Variants in SYNJ1 observed in about 807,000 individuals in gnomAD.
SYNJ1 encodes the protein synaptojanin 1.
In SYNJ1, 78 loss-of-function variants were observed where a neutral mutation model predicts 168.2. That is an observed-to-expected ratio of 0.46 (90% CI 0.39 to 0.56). The LOEUF (loss-of-function observed/expected upper bound fraction) is 0.56, where lower values mean the gene tolerates loss of function less well. SYNJ1 is among the 20% of genes least tolerant of loss of function. SYNJ1 has a pLI of 0.00. For synonymous variants in SYNJ1, 539 were observed against 548.6 expected (o/e 0.98, Z 0.24); for missense variants, 1,303 against 1,597.6 (o/e 0.82, Z 3.14).
At chr21:32,696,951 T>TC (rs770605979) in intron 4 of SYNJ1, among the ~76,000 whole-genome samples, 39 of 152,352 alleles carry the variant, frequency 2.6e-4, no homozygotes, top group Non-Finnish European at 4.9e-4. Context: ...CCCACATTGA[T>TC]CTGAGGCAAA....
In SYNJ1 at chr21:32,668,696, C is replaced by T. The variant is rs562600481; in HGVS notation, c.1811+1592G>A. Among the ~76,000 whole-genome samples, 11 of 152,282 alleles carry T rather than the reference C, an allele frequency of 7.2e-5. 1 individual carries two copies. The South Asian group carries it at 2.3e-3, about 32-fold the overall frequency. On this transcript the variant is annotated intron_variant, in intron 15 of 32. Coordinates refer to ENST00000674351, the MANE Select transcript of SYNJ1 (RefSeq NM_203446.3). ...CTGCTGAAATTTAAAAGCAAGCATA[C>T]TTTGTTAAAATAAAACACTGAAGTT...
intron 14 of SYNJ1, among the ~76,000 whole-genome samples, chr21:32,671,360 A>T (rs1234428181): frequency 6.6e-6 from 1 of 151,704 alleles, no homozygotes; most frequent in African/African-American, 2.4e-5. Flanking sequence ...CACTGAAATT[A>T]AAAAAAAATT....
At chr21:32,683,778 A>AC (rs1359884802) in intron 10 of SYNJ1, among the ~76,000 whole-genome samples, 106 of 152,272 alleles carry the variant, frequency 7.0e-4, no homozygotes, top group Non-Finnish European at 1.0e-4. Flanking sequence ...TTGAAATACT[A>AC]TAAACAGCAG....
intron 18 of SYNJ1, among the ~76,000 whole-genome samples, chr21:32,660,326 C>A (rs372925492): frequency 2.0e-5 from 3 of 152,238 alleles, no homozygotes; most frequent in Admixed American, 2.0e-4. Context: ...TTGATGAATA[C>A]CAAAGGACAT....
chr21:32,659,596 A>G (rs958618915), intron 18 of SYNJ1, among the ~76,000 whole-genome samples: 1 of 152,104 alleles, frequency 6.6e-6, no homozygotes, highest in Non-Finnish European at 1.5e-5. Context: ...TTCTGTTCTG[A>G]TTACTGGTGC....
chr21:32,674,470 G>A (rs574616659), intron 13 of SYNJ1, among the ~76,000 whole-genome samples: 3 of 152,250 alleles, frequency 2.0e-5, no homozygotes, highest in African/African-American at 7.2e-5. Context: ...CCCCTCATGA[G>A]AATGGAAAAT....
intron 3 of SYNJ1, among the ~76,000 whole-genome samples, chr21:32,701,539 C>T (rs1261178462): frequency 6.8e-6 from 1 of 148,018 alleles, no homozygotes; most frequent in Non-Finnish European, 1.5e-5. Context: ...GGTGACATTA[C>T]GTGGCAAAAA....
At chr21:32,646,358 G>C in intron 24 of SYNJ1, 35 bp downstream of exon 24, 1 of 1,594,548 alleles carries the variant, frequency 6.3e-7, no homozygotes, top group East Asian at 2.2e-5. Context: ...ATTGGCCACA[G>C]GAAGCCATAC....
chr21:32,643,484 A>C lies in SYNJ1; in HGVS notation c.3431-27T>G, dbSNP rs758119904. On this transcript the variant is annotated intron_variant, in intron 26 of 32. Coordinates refer to ENST00000674351, the MANE Select transcript of SYNJ1 (RefSeq NM_203446.3). ...TTTTTAGAGAAAGAACAGAAACTAT[A>C]TATTGTTCAGGGCCCACAGCACAGA... The C allele has an allele frequency of 7.5e-6, 12 of 1,610,638 alleles. No homozygotes were observed. The South Asian group carries it at 1.2e-4, about 16-fold the overall frequency.
At chr21:32,685,425 CA>C (rs57470866) in intron 9 of SYNJ1, among the ~76,000 whole-genome samples, 1,090 of 67,218 alleles carry the variant, frequency 0.016, 10 homozygotes, top group African/African-American at 0.058. Flanking sequence ...CCGTCTCTAC[CA>C]AAAAAAAAAA....
rs748222759 is a variant in SYNJ1, at chr21:32,630,792, C to A, written c.*1013G>T. Reference sequence around the variant, plus strand: ...CCTATTCATCCAAAGAGAAATACATCAAAACTCCAGTTAACAATGAGAAGG... The same window carrying A: ...CCTATTCATCCAAAGAGAAATACATAAAAACTCCAGTTAACAATGAGAAGG... On this transcript the variant is annotated 3_prime_UTR_variant, in exon 33 of 33. Transcript: ENST00000674351. 2.0e-6 allele frequency: 1 copy of A among 510,926 alleles called. No homozygotes were observed. Among genetic ancestry groups the A allele is most frequent in the Non-Finnish European group, 3.4e-6 (1 of 296,824 alleles). 31.6% of individuals were successfully genotyped at this position (510,926 alleles called of 1,614,324 possible). A position where few individuals can be genotyped will look rare whatever the true frequency, so the allele number is the denominator to read the frequency against.
At chr21:32,638,360 CAA>C (rs911293303) in intron 31 of SYNJ1, among the ~76,000 whole-genome samples, 7 of 152,092 alleles carry the variant, frequency 4.6e-5, no homozygotes, top group African/African-American at 1.7e-4. Flanking sequence ...ACAGTTTTTT[CAA>C]AAGAGTTTAA....
At chr21:32,704,251 T>C (rs2042518253) in intron 2 of SYNJ1, among the ~76,000 whole-genome samples, 2 of 152,182 alleles carry the variant, frequency 1.3e-5, no homozygotes. Flanking sequence ...ATTTACATGT[T>C]TGTATTCTAT....
intron 24 of SYNJ1, 142 bp from the exon 25 acceptor site, chr21:32,645,931 C>A (rs2040047332): frequency 8.0e-7 from 1 of 1,252,136 alleles, no homozygotes. Flanking sequence ...GTATGAATAA[C>A]AAAAGCAGTC....
intron 19 of SYNJ1, 89 bp downstream of exon 19, chr21:32,657,627 C>A: frequency 7.9e-7 from 1 of 1,259,094 alleles, no homozygotes; most frequent in South Asian, 2.2e-5. Context: ...TCTTGAAAAA[C>A]AATATTCTCC....
intron 21 of SYNJ1, chr21:32,654,097 A>G (rs559980699): frequency 6.6e-6 from 1 of 152,334 alleles, no homozygotes; most frequent in Non-Finnish European, 1.5e-5. Context: ...CTTATTACAG[A>G]AAATTTGGCG....
chr21:32,668,598 T>C (rs1452828403), intron 15 of SYNJ1, among the ~76,000 whole-genome samples: 1 of 152,210 alleles, frequency 6.6e-6, no homozygotes, highest in East Asian at 1.9e-4. Context: ...ATTTGTCACT[T>C]GCAAGATTGA....
At chr21:32,725,828 A>T (rs1266289783) in intron 2 of SYNJ1, among the ~76,000 whole-genome samples, 1 of 152,144 alleles carries the variant, frequency 6.6e-6, no homozygotes, top group African/African-American at 2.4e-5. Context: ...GTGTATATAT[A>T]ATCATATACT....
At chr21:32,642,268 C>T in intron 27 of SYNJ1, 135 bp from the exon 28 acceptor site, 6 of 906,880 alleles carry the variant, frequency 6.6e-6, no homozygotes, top group South Asian at 2.9e-5. Flanking sequence ...AAGCACTTTG[C>T]TTTGTATAAT....
Sources: allele counts gnomAD v4.1 joint callset (sites outside exome capture counted in the v4.1 genomes callset), GRCh38; gene constraint gnomAD v4.1.1; transcripts MANE v1.5; gene names NCBI Gene and HGNC (gene_info 2026-07-23, HGNC 2026-07-21).